Variants in ATRNL1 observed in about 807,000 individuals in gnomAD.
The protein encoded by ATRNL1 is attractin-like protein 1.
In ATRNL1, 95 loss-of-function variants were observed where a neutral mutation model predicts 182.7. The ratio of observed to expected loss-of-function variants is 0.52; its 90% CI spans 0.44 to 0.62. The LOEUF is 0.62. Ranked by LOEUF, ATRNL1 falls within the 20% of genes least tolerant of loss-of-function variation. ATRNL1 has a pLI of 0.00. For missense variants in ATRNL1, 1,471 were observed against 1,679.5 expected (o/e 0.88, Z 2.17); for synonymous variants, 576 against 568.3 (o/e 1.01, Z -0.19).
chr10:115,870,285 G>T (rs1286272169), intron 28 of ATRNL1, among the ~76,000 whole-genome samples: 2 of 152,210 alleles, frequency 1.3e-5, no homozygotes, highest in Non-Finnish European at 2.9e-5. Flanking sequence ...AAATCAAGGG[G>T]TTGATCACAA....
chr10:115,370,649 A>G (rs936060799), intron 19 of ATRNL1, among the ~76,000 whole-genome samples: 2 of 152,236 alleles, frequency 1.3e-5, no homozygotes, highest in Admixed American at 1.3e-4. Flanking sequence ...GAATTCAAGA[A>G]GTGACTTGGG....
chr10:115,666,319 G>T (rs1384237767), intron 26 of ATRNL1, among the ~76,000 whole-genome samples: 1 of 152,082 alleles, frequency 6.6e-6, no homozygotes, highest in African/African-American at 2.4e-5. Context: ...TGTGTATCAT[G>T]TTTTGACTAG....
intron 28 of ATRNL1, among the ~76,000 whole-genome samples, chr10:115,937,445 C>G (rs1229603013): frequency 6.6e-6 from 1 of 152,122 alleles, no homozygotes; most frequent in Non-Finnish European, 1.5e-5. Flanking sequence ...CATTTTTGTT[C>G]AACAATGTAA....
chr10:115,112,610 A>G (rs782751972), intron 1 of ATRNL1, among the ~76,000 whole-genome samples: 11 of 152,304 alleles, frequency 7.2e-5, no homozygotes, highest in African/African-American at 1.7e-4. Flanking sequence ...CTTGGGTGGA[A>G]GAAGGTGAAA....
chr10:115,489,739 T>A (rs1849205218), intron 24 of ATRNL1, among the ~76,000 whole-genome samples: 1 of 152,204 alleles, frequency 6.6e-6, no homozygotes, highest in Non-Finnish European at 1.5e-5. Context: ...AGGTTAATAT[T>A]GTTACATGTG....
intron 21 of ATRNL1, among the ~76,000 whole-genome samples, chr10:115,449,356 C>T (rs528119216): frequency 6.6e-6 from 1 of 152,150 alleles, no homozygotes; most frequent in South Asian, 2.1e-4. Context: ...CGGGGAAAGA[C>T]CACCTTCTCA....
chr10:115,467,370 T>G (rs17723399), intron 23 of ATRNL1, 118 bp downstream of exon 23: 128,851 of 602,758 alleles, frequency 0.21, 14,483 homozygotes, highest in South Asian at 0.25. Flanking sequence ...GACAGGATTA[T>G]TTTGCTGTTA....
At chr10:115,182,587 C>A (rs1030775924) in intron 8 of ATRNL1, among the ~76,000 whole-genome samples, 11 of 151,272 alleles carry the variant, frequency 7.3e-5, no homozygotes, top group Non-Finnish European at 1.5e-4. Flanking sequence ...AAAACAAAAC[C>A]CAAATCTATG....
At chr10:115,930,026 G>A (rs1206963111) in intron 28 of ATRNL1, among the ~76,000 whole-genome samples, 4 of 151,994 alleles carry the variant, frequency 2.6e-5, no homozygotes, top group African/African-American at 9.7e-5. Context: ...TTAAAATATT[G>A]ACCTTCTAGG....
chr10:115,781,672 G>C lies in ATRNL1; in HGVS notation c.3903+54317G>C, dbSNP rs887977297. 4.6e-5 allele frequency among the ~76,000 whole-genome samples: 7 copies of C among 152,302 alleles called. 1 individual carries two copies. In the South Asian group the frequency reaches 1.5e-3, roughly 32 times the overall value. On this transcript the variant is annotated intron_variant, in intron 27 of 28. Transcript: ENST00000355044. Reference sequence around the variant, plus strand: ...CCTTGGGAATGTGGAGGAAGTGCCTGGAAGAGGGAATAAGGCAAGTTTCTG... The same window carrying C: ...CCTTGGGAATGTGGAGGAAGTGCCTCGAAGAGGGAATAAGGCAAGTTTCTG...
At chr10:115,593,037 G>A (rs1330170965) in intron 26 of ATRNL1, among the ~76,000 whole-genome samples, 2 of 152,154 alleles carry the variant, frequency 1.3e-5, no homozygotes, top group Non-Finnish European at 2.9e-5. Context: ...ATTTCTTAGA[G>A]TTCTGGAGCC....
chr10:115,582,550 G>A (rs1415566352), intron 26 of ATRNL1, among the ~76,000 whole-genome samples: 3 of 119,170 alleles, frequency 2.5e-5, no homozygotes, highest in Non-Finnish European at 5.6e-5. Context: ...CTTCTTTTGA[G>A]AAGTGTCTCT....
At chr10:115,634,550 A>G (rs1203372934) in intron 26 of ATRNL1, among the ~76,000 whole-genome samples, 1 of 152,216 alleles carries the variant, frequency 6.6e-6, no homozygotes, top group Non-Finnish European at 1.5e-5. Flanking sequence ...TAATGGAGTT[A>G]TATCCCATAT....
intron 27 of ATRNL1, among the ~76,000 whole-genome samples, chr10:115,792,839 C>A (rs1949562098): frequency 6.6e-6 from 1 of 151,790 alleles, no homozygotes; most frequent in Non-Finnish European, 1.5e-5. Context: ...AAAATATACA[C>A]AGAACTCTAC....
intron 26 of ATRNL1, among the ~76,000 whole-genome samples, chr10:115,667,652 C>CTT (rs34762832): frequency 0.24 from 34,473 of 146,344 alleles, 4,057 homozygotes; most frequent in East Asian, 0.35. Flanking sequence ...TCTACTGCAT[C>CTT]TTTTTTTTTT....
intron 5 of ATRNL1, among the ~76,000 whole-genome samples, chr10:115,144,146 G>C (rs1592161421): frequency 1.3e-5 from 2 of 151,196 alleles, no homozygotes; most frequent in South Asian, 4.2e-4. Context: ...GCCCAGCTAA[G>C]TTTTTGTATT....
At chr10:115,683,870 A>C (rs549213951) in intron 26 of ATRNL1, among the ~76,000 whole-genome samples, 17 of 151,952 alleles carry the variant, frequency 1.1e-4, no homozygotes, top group African/African-American at 2.9e-4. Flanking sequence ...CATAAATTAC[A>C]TACACATTAA....
chr10:115,289,421 C>T (rs1852785083), intron 15 of ATRNL1, among the ~76,000 whole-genome samples: 1 of 151,990 alleles, frequency 6.6e-6, no homozygotes, highest in Non-Finnish European at 1.5e-5. Flanking sequence ...CTTTAGTTTC[C>T]TGTGCTTTTG....
At chr10:115,535,579 T>C (rs1554989954) in intron 25 of ATRNL1, among the ~76,000 whole-genome samples, 1 of 152,218 alleles carries the variant, frequency 6.6e-6, no homozygotes, top group African/African-American at 2.4e-5. Context: ...CGGAGCAGTT[T>C]GATTGTCTGA....
Sources: allele counts gnomAD v4.1 joint callset (sites outside exome capture counted in the v4.1 genomes callset), GRCh38; gene constraint gnomAD v4.1.1; transcripts MANE v1.5; gene names NCBI Gene and HGNC (gene_info 2026-07-23, HGNC 2026-07-21).